The following RHEB variants were observed in gnomAD, a reference collection of about 807,000 sequenced individuals.
RHEB encodes GTP-binding protein Rheb.
A neutral mutation model predicts 28.8 loss-of-function variants in RHEB; 2 were observed. The ratio of observed to expected loss-of-function variants is 0.07; its 90% CI spans 0.03 to 0.22. The LOEUF (loss-of-function observed/expected upper bound fraction) is 0.22. RHEB is among the 10% of genes least tolerant of loss of function. RHEB has a pLI of 1.00. For missense variants in RHEB, 76 were observed against 219.9 expected, an observed-to-expected ratio of 0.35 and a Z score of 4.14; for synonymous variants, 69 against 77.3, an observed-to-expected ratio of 0.89 and a Z score of 0.56.
chr7:151,478,811 T>C (rs943915127), intron 3 of RHEB, among the ~76,000 whole-genome samples: 2 of 152,160 alleles, frequency 1.3e-5, no homozygotes, highest in African/African-American at 4.8e-5. Context: ...ATTTTTGCAT[T>C]TGCAGTAGAG....
chr7:151,502,007 G>T (rs958068226), intron 1 of RHEB: 2 of 511,480 alleles, frequency 3.9e-6, no homozygotes, highest in East Asian at 4.7e-5. Context: ...AGGCCGAGGC[G>T]GGCAGATCAC....
chr7:151,508,024 A>C (rs1249347199), intron 1 of RHEB, among the ~76,000 whole-genome samples: 2 of 152,206 alleles, frequency 1.3e-5, no homozygotes, highest in Non-Finnish European at 2.9e-5. Flanking sequence ...GCTGAGGTGG[A>C]AGGCAACAAT....
intron 2 of RHEB, among the ~76,000 whole-genome samples, chr7:151,488,927 A>T (rs1028794757): frequency 6.6e-6 from 1 of 152,182 alleles, no homozygotes; most frequent in South Asian, 2.1e-4. Flanking sequence ...ACACAACTCC[A>T]TGACTTTCCT....
intron 1 of RHEB, among the ~76,000 whole-genome samples, chr7:151,510,845 G>A (rs1414304659): frequency 6.6e-6 from 1 of 152,164 alleles, no homozygotes; most frequent in Non-Finnish European, 1.5e-5. Context: ...CTGGGAGGCT[G>A]AGGTGGCTGG....
intron 2 of RHEB, 63 bp from the exon 3 acceptor site, chr7:151,484,867 T>C (rs1802440155): frequency 8.9e-7 from 1 of 1,128,846 alleles, no homozygotes. Context: ...ACCTGAAGTT[T>C]GAACAATGAC....
chr7:151,515,376 T>C (rs567490984), intron 1 of RHEB, among the ~76,000 whole-genome samples: 16 of 152,052 alleles, frequency 1.1e-4, no homozygotes, highest in African/African-American at 3.1e-4. Flanking sequence ...GAGTACAGAG[T>C]TTCTTTTTGG....
chr7:151,483,099 G>T (rs944724418), intron 3 of RHEB, among the ~76,000 whole-genome samples: 1 of 152,162 alleles, frequency 6.6e-6, no homozygotes, highest in Non-Finnish European at 1.5e-5. Context: ...AGTGAAGGAG[G>T]CACATGCTAT....
At chr7:151,485,189 AG>A (rs1802447823) in intron 2 of RHEB, among the ~76,000 whole-genome samples, 1 of 152,256 alleles carries the variant, frequency 6.6e-6, no homozygotes, top group Admixed American at 6.5e-5. Context: ...ATTAATTTAT[AG>A]GAAGTCTGGC....
intron 3 of RHEB, among the ~76,000 whole-genome samples, chr7:151,481,727 C>T (rs1802384348): frequency 6.6e-6 from 1 of 152,150 alleles, no homozygotes; most frequent in South Asian, 2.1e-4. Context: ...TTTAAAGTAG[C>T]CAAATTTGGA....
At chr7:151,512,575 G>A (rs1460877081) in intron 1 of RHEB, among the ~76,000 whole-genome samples, 2 of 152,092 alleles carry the variant, frequency 1.3e-5, no homozygotes, top group Non-Finnish European at 2.9e-5. Context: ...GGCCTCCCTC[G>A]TGCTTCCTTC....
intron 1 of RHEB, chr7:151,502,510 A>G: frequency 1.1e-6 from 1 of 951,372 alleles, no homozygotes; most frequent in Non-Finnish European, 1.7e-6. Context: ...AGGAAAAGAA[A>G]GTCAACGTTG....
intron 1 of RHEB, chr7:151,503,464 A>T: frequency 8.7e-7 from 1 of 1,143,058 alleles, no homozygotes; most frequent in Non-Finnish European, 1.3e-6. Context: ...TGATGACTAG[A>T]CATGAGTCTG....
At chr7:151,500,990 C>CA (rs1469065604) in intron 1 of RHEB, among the ~76,000 whole-genome samples, 1 of 151,652 alleles carries the variant, frequency 6.6e-6, no homozygotes, top group Non-Finnish European at 1.5e-5. Flanking sequence ...TCTCCAAAAT[C>CA]AAAAAAATCA....
At chr7:151,482,651 A>G (rs1035371634) in intron 3 of RHEB, among the ~76,000 whole-genome samples, 1 of 152,262 alleles carries the variant, frequency 6.6e-6, no homozygotes, top group African/African-American at 2.4e-5. Context: ...AAGTCTTGAT[A>G]GTGTCAGAGT....
chr7:151,519,825 G>A lies in RHEB; in HGVS notation c.-314C>T, dbSNP rs1803153538. On this transcript the variant is annotated 5_prime_UTR_variant, in exon 1 of 8. Coordinates refer to ENST00000262187, the MANE Select transcript of RHEB (RefSeq NM_005614.4). Reference sequence around the variant, plus strand: ...CGTCGGGGCGACGTTTTACTTTAAAGGCAAAAAAAGGGGACGCCGCGATGC... The same window carrying A: ...CGTCGGGGCGACGTTTTACTTTAAAAGCAAAAAAAGGGGACGCCGCGATGC... The A allele has an allele frequency of 3.8e-6, 1 of 259,998 alleles. No homozygotes were observed. 16.1% of individuals were successfully genotyped at this position (259,998 alleles called of 1,614,324 possible).
At position 151,493,659 on chromosome 7, in the gene RHEB, A is replaced by G. The variant is rs184096375; in HGVS notation, c.53-2645T>C. Among the ~76,000 whole-genome samples the G allele has an allele frequency of 2.0e-5, 3 of 152,360 alleles. No individual in the cohort carries two copies. In the South Asian group the frequency reaches 6.2e-4, roughly 32 times the overall value. ...AAACACAGTTCAACAGAAATTAAGAAACAATTCAATTAGTATTTATTGGTA... is the reference window on the plus strand; with the variant it reads ...AAACACAGTTCAACAGAAATTAAGAGACAATTCAATTAGTATTTATTGGTA... On this transcript the variant is annotated intron_variant, in intron 1 of 7. Transcript: ENST00000262187.
chr7:151,490,480 T>G (rs1161066026), intron 2 of RHEB, among the ~76,000 whole-genome samples: 2 of 152,162 alleles, frequency 1.3e-5, no homozygotes, highest in Non-Finnish European at 2.9e-5. Flanking sequence ...AATCCCAGAA[T>G]AGTTCATTTC....
Position 151,471,580 on chromosome 7 carries a change from C to T in RHEB, c.301G>A (p.Gly101Ser). 6.2e-7 allele frequency: 1 copy of T among 1,604,554 alleles called. No individual in the cohort carries two copies. The highest frequency in any genetic ancestry group is 1.1e-5 in the South Asian group (1 of 89,194). ...TTCCCCACCATATCCAACAATTTGCCATGGATAACTTTAATCACTTCAAAA... is the reference window on the plus strand; with the variant it reads ...TTCCCCACCATATCCAACAATTTGCTATGGATAACTTTAATCACTTCAAAA... ...KSFEVIKVIH[G>S]KLLDMVGKVQ... is the part of the protein sequence containing the mutation. The change falls in exon 5 of 8, where the codon GGC (glycine) becomes AGC (serine). Residue 101 changes from glycine to serine, a missense_variant. Coordinates refer to ENST00000262187, the MANE Select transcript of RHEB (RefSeq NM_005614.4).
intron 1 of RHEB, among the ~76,000 whole-genome samples, chr7:151,506,822 G>A (rs989049136): frequency 6.6e-6 from 1 of 152,112 alleles, no homozygotes; most frequent in Non-Finnish European, 1.5e-5. Context: ...CTCACTTTTA[G>A]TTTACTCTTT....
Sources: allele counts gnomAD v4.1 joint callset (sites outside exome capture counted in the v4.1 genomes callset), GRCh38; gene constraint gnomAD v4.1.1; transcripts MANE v1.5; gene names NCBI Gene and HGNC (gene_info 2026-07-23, HGNC 2026-07-21).